ASTN2: variants seen among roughly 807,000 people sequenced by gnomAD.
The protein encoded by ASTN2 is astrotactin-2.
A neutral mutation model predicts 139.8 loss-of-function variants in ASTN2; 54 were observed. That is an observed-to-expected ratio of 0.39 (90% CI 0.31 to 0.48). The LOEUF (loss-of-function observed/expected upper bound fraction) is 0.48, where lower values mean the gene tolerates loss of function less well. Among genes scored for constraint, ASTN2 ranks in the 20% least tolerant of loss-of-function variants. The pLI is 0.95. For synonymous variants in ASTN2, 756 were observed against 719.5 expected (o/e 1.05, Z -0.81); for missense variants, 1,565 against 1,725.1 (o/e 0.91, Z 1.64).
At chr9:116,624,143 A>G (rs1055070563) in intron 17 of ASTN2, among the ~76,000 whole-genome samples, 2 of 152,196 alleles carry the variant, frequency 1.3e-5, no homozygotes, top group Non-Finnish European at 1.5e-5. Flanking sequence ...GCTGGGCAAC[A>G]GGAGAAAACA....
In ASTN2 at chr9:116,794,970, G is replaced by GTTTTT. The variant is rs1329731625; in HGVS notation, c.2396+10657_2396+10661dup. Among the ~76,000 whole-genome samples, 3 of 152,100 alleles carry GTTTTT rather than the reference G, an allele frequency of 2.0e-5. No homozygotes were observed. In the South Asian group the frequency reaches 6.2e-4, roughly 32 times the overall value. ...CTTATCGTTAAATGTTTTTGTTTTTGTTTTTTTGTTTGCTTGGTTTTTTCA... is the reference window on the plus strand; with the variant it reads ...CTTATCGTTAAATGTTTTTGTTTTTGTTTTTTTTTTTTGTTTGCTTGGTTTTTTCA... On this transcript the variant is annotated intron_variant, in intron 13 of 22. Coordinates refer to ENST00000313400, the MANE Select transcript of ASTN2 (RefSeq NM_001365068.1).
At chr9:117,373,879 T>A (rs1260471760) in intron 1 of ASTN2, among the ~76,000 whole-genome samples, 1 of 152,144 alleles carries the variant, frequency 6.6e-6, no homozygotes, top group Non-Finnish European at 1.5e-5. Context: ...ACAGCACATA[T>A]CCTAACATGT....
At chr9:116,609,365 TTATATATATGGGTGTATATATATA>T (rs1564151063) in intron 19 of ASTN2, among the ~76,000 whole-genome samples, 1 of 87,402 alleles carries the variant, frequency 1.1e-5, no homozygotes, top group Non-Finnish European at 2.3e-5. Context: ...TATACATGAA[TTATATATATGGGTGTATATATATA>T]TATATATATA....
intron 6 of ASTN2, among the ~76,000 whole-genome samples, chr9:117,038,305 C>A (rs1838452006): frequency 6.6e-6 from 1 of 152,106 alleles, no homozygotes; most frequent in African/African-American, 2.4e-5. Context: ...CTATACATAT[C>A]AAAATGCAAA....
At chr9:117,107,777 A>G (rs1219346106) in intron 4 of ASTN2, among the ~76,000 whole-genome samples, 1 of 152,226 alleles carries the variant, frequency 6.6e-6, no homozygotes, top group Non-Finnish European at 1.5e-5. Context: ...CTGCAAATAA[A>G]TCTGGTCTTT....
At chr9:116,579,603 A>T (rs1853864735) in intron 19 of ASTN2, among the ~76,000 whole-genome samples, 1 of 152,220 alleles carries the variant, frequency 6.6e-6, no homozygotes, top group Non-Finnish European at 1.5e-5. Context: ...TGCTCCAGCC[A>T]GGCGCAATGG....
chr9:117,091,884 G>A (rs1828716515), intron 5 of ASTN2, among the ~76,000 whole-genome samples: 1 of 152,156 alleles, frequency 6.6e-6, no homozygotes, highest in Non-Finnish European at 1.5e-5. Context: ...GATTGAGAAT[G>A]GACTGGAAGA....
At chr9:116,493,018 C>T (rs34979631) in intron 19 of ASTN2, among the ~76,000 whole-genome samples, 31,109 of 151,968 alleles carry the variant, frequency 0.2, 3,255 homozygotes, top group Middle Eastern at 0.25. Context: ...TTTTACAAAA[C>T]TGTTTATAAA....
At chr9:117,170,277 T>G (rs1180782659) in intron 3 of ASTN2, among the ~76,000 whole-genome samples, 1 of 152,128 alleles carries the variant, frequency 6.6e-6, no homozygotes, top group Non-Finnish European at 1.5e-5. Flanking sequence ...TACAATGTGC[T>G]TGTATATCAT....
Position 117,323,003 on chromosome 9 carries a change from T to C in ASTN2, c.443-31490A>G, listed in dbSNP as rs1437132127. 2.0e-5 allele frequency among the ~76,000 whole-genome samples: 3 copies of C among 152,236 alleles called. No homozygotes were observed. In the East Asian group the frequency reaches 5.8e-4, roughly 29 times the overall value. On this transcript the variant is annotated intron_variant, in intron 1 of 22. Transcript: ENST00000313400. ...TCCTAGAGTCAAGTCCAGAATTTAA[T>C]AAAGGTAACAAAAATACTACGGTAT... is the stretch of plus-strand genomic sequence containing the variant.
chr9:116,874,994 C>T (rs1181073554), intron 10 of ASTN2, among the ~76,000 whole-genome samples: 1 of 152,128 alleles, frequency 6.6e-6, no homozygotes, highest in Non-Finnish European at 1.5e-5. Context: ...TATAAGGCCT[C>T]CCTGTTTGCT....
At chr9:117,111,435 A>AT (rs1456986119) in intron 4 of ASTN2, among the ~76,000 whole-genome samples, 1 of 68,954 alleles carries the variant, frequency 1.5e-5, no homozygotes. Flanking sequence ...TATGTATAAA[A>AT]TAAAAAAAAA....
In ASTN2 at chr9:116,462,788, ATGTGTGTGTGTGTGTG is replaced by A. The variant is rs55926547; in HGVS notation, c.3498-20251_3498-20236del. On this transcript the variant is annotated intron_variant, in intron 20 of 22. Coordinates refer to ENST00000313400, the MANE Select transcript of ASTN2 (RefSeq NM_001365068.1). ...CTTTAAGGGTAAGTGTTGGGTGAGCATGTGTGTGTGTGTGTGTGTGTGTGTGTGTGTGTGTGTGTGT... is the reference window on the plus strand; with the variant it reads ...CTTTAAGGGTAAGTGTTGGGTGAGCATGTGTGTGTGTGTGTGTGTGTGTGT... Among the ~76,000 whole-genome samples, 10 of 146,188 alleles carry A rather than the reference ATGTGTGTGTGTGTGTG, an allele frequency of 6.8e-5. No homozygotes were observed. The South Asian group carries it at 1.1e-3, about 16-fold the overall frequency.
intron 10 of ASTN2, among the ~76,000 whole-genome samples, chr9:116,925,336 T>A (rs1248298160): frequency 5.9e-5 from 9 of 152,068 alleles, no homozygotes; most frequent in Admixed American, 5.9e-4. Context: ...TGAGGAGGAG[T>A]GAGGAGTCTC....
intron 16 of ASTN2, among the ~76,000 whole-genome samples, chr9:116,708,938 C>G (rs536179283): frequency 1.3e-5 from 2 of 152,330 alleles, no homozygotes; most frequent in African/African-American, 4.8e-5. Context: ...CCCATGATTC[C>G]TGAAGTCTCT....
rs1198024013 is a variant in ASTN2 at position 117,350,574 on chromosome 9, GAAAAGAAAAGAA to G, written c.443-59073_443-59062del. On this transcript the variant is annotated intron_variant, in intron 1 of 22. Transcript: ENST00000313400. Reference sequence around the variant, plus strand: ...ATCTTAAAAAAAAAAAGGAAAGAAAGAAAAGAAAAGAAAAAAGAAAAGAAAAGAAAAATCAGA... The same window carrying G: ...ATCTTAAAAAAAAAAAGGAAAGAAAGAAAAGAAAAGAAAAGAAAAATCAGA... 4.1e-4 allele frequency among the ~76,000 whole-genome samples: 60 copies of G among 144,612 alleles called. 1 individual carries two copies. Among genetic ancestry groups the G allele is most frequent in the Admixed American group, 2.4e-3 (35 of 14,674 alleles). The allele number at this position is 144,612 out of a possible 152,430, so 94.9% of individuals were successfully genotyped here. A position where few individuals can be genotyped will look rare whatever the true frequency, so the allele number is the denominator to read the frequency against.
chr9:116,655,871 TTTTTG>T (rs1858180687), intron 16 of ASTN2, among the ~76,000 whole-genome samples: 1 of 151,126 alleles, frequency 6.6e-6, no homozygotes, highest in Admixed American at 6.6e-5. Flanking sequence ...TTTCTTGTGT[TTTTTG>T]TTGTTGTTGT....
chr9:116,526,078 G>T (rs2119260888), intron 19 of ASTN2, among the ~76,000 whole-genome samples: 1 of 152,198 alleles, frequency 6.6e-6, no homozygotes, highest in African/African-American at 2.4e-5. Flanking sequence ...GAAGACCTCT[G>T]TTATCCAAAA....
chr9:117,197,313 G>A (rs1323045271), intron 3 of ASTN2: 1 of 152,164 alleles, frequency 6.6e-6, no homozygotes, highest in East Asian at 1.9e-4. Flanking sequence ...AAGGGTATAT[G>A]AGTAGCTGCA....
Sources: gnomAD v4.1 joint callset for allele counts (sites outside exome capture counted in the v4.1 genomes callset) on GRCh38, gnomAD v4.1.1 for gene constraint, MANE v1.5 for transcripts, NCBI Gene and HGNC (gene_info 2026-07-23, HGNC 2026-07-21) for gene names.